Variants in POLH observed in about 807,000 individuals in gnomAD.
The protein encoded by POLH is DNA polymerase eta.
A neutral mutation model predicts 73.6 loss-of-function variants in POLH; 53 were observed. The ratio of observed to expected loss-of-function variants is 0.72; its 90% confidence interval spans 0.58 to 0.91. The LOEUF is 0.91. POLH is among the 40% of genes least tolerant of loss of function. POLH has a pLI of 0.00. For synonymous variants in POLH, 292 were observed against 308.5 expected (o/e 0.95, Z 0.56); for missense variants, 768 against 865.4 (o/e 0.89, Z 1.41).
At position 43,604,022 on chromosome 6, in the gene POLH, C is replaced by A. The variant is rs762143785; in HGVS notation, c.884+11C>A. 2 of 1,610,134 alleles carry A rather than the reference C, an allele frequency of 1.2e-6. No homozygotes were observed. The highest frequency in any genetic ancestry group is 1.7e-6 in the Non-Finnish European group (2 of 1,176,590). The stretch of plus-strand genomic sequence containing the variant: ...TGGGGAGAAGAATGGGTAAGTGATT[C>A]ATTTTTTTTAAAATCATAACCTTTA... On this transcript the variant is annotated intron_variant, in intron 7 of 10. Transcript: ENST00000372236.
intron 9 of POLH, among the ~76,000 whole-genome samples, chr6:43,608,460 C>T (rs966975225): frequency 4.6e-5 from 7 of 152,270 alleles, no homozygotes; most frequent in African/African-American, 9.6e-5. Flanking sequence ...CGCCCTTTTC[C>T]GCTTTTGCCC....
intron 4 of POLH, 45 bp downstream of exon 4, chr6:43,587,534 C>T: frequency 7.4e-7 from 1 of 1,359,320 alleles, no homozygotes; most frequent in South Asian, 1.2e-5. Context: ...GCCTTTGGAA[C>T]CTGCTTTGCT....
chr6:43,591,619 T>TG (rs1765472960), intron 4 of POLH, among the ~76,000 whole-genome samples: 2 of 142,160 alleles, frequency 1.4e-5, no homozygotes, highest in African/African-American at 5.3e-5. Context: ...GCACCCAGCC[T>TG]GATTTTTTTT....
rs1582272094 is a variant in POLH, at chr6:43,583,097, A to G, written c.228A>G (p.Leu76=). Residue 76 remains leucine (L), a synonymous_variant, in exon 3 of 11, where the codon CTA becomes CTG. Transcript: ENST00000372236. The part of the protein sequence containing the change: ...DDAKKLCPDL[L]LAQVRESRGK... ...CTAAGAAGTTATGTCCAGATCTTCT[A>G]CTGGCACAAGTTCGTGAGTCCCGTG... The G allele has an allele frequency of 6.2e-7, 1 of 1,613,908 alleles. No homozygotes were observed. The highest frequency in any genetic ancestry group is 1.1e-5 in the South Asian group (1 of 91,076).
intron 10 of POLH, 94 bp from the exon 11 acceptor site, chr6:43,613,566 G>A: frequency 9.4e-7 from 1 of 1,062,380 alleles, no homozygotes; most frequent in Non-Finnish European, 1.4e-6. Context: ...GTCCTATGGT[G>A]AAATAAAACA....
intron 4 of POLH, among the ~76,000 whole-genome samples, chr6:43,595,606 C>T (rs1765956693): frequency 6.6e-6 from 1 of 151,900 alleles, no homozygotes; most frequent in African/African-American, 2.4e-5. Flanking sequence ...AAAAAATTAG[C>T]CGGGCGTGGT....
intron 1 of POLH, among the ~76,000 whole-genome samples, chr6:43,580,083 T>C (rs1057096235): frequency 4.7e-5 from 7 of 149,588 alleles, no homozygotes; most frequent in Non-Finnish European, 1.0e-4. Context: ...TGTCCCTGAT[T>C]ACTTGAGATC....
chr6:43,605,464 T>TG, intron 9 of POLH, 145 bp downstream of exon 9: 3 of 592,786 alleles, frequency 5.1e-6, no homozygotes. Context: ...TTTTTTTTTT[T>TG]TTTGAGACAT....
At chr6:43,595,337 A>G (rs981237944) in intron 4 of POLH, among the ~76,000 whole-genome samples, 2 of 151,846 alleles carry the variant, frequency 1.3e-5, no homozygotes, top group Admixed American at 6.6e-5. Flanking sequence ...GGGTTTCACC[A>G]TGGTGGTCAG....
intron 4 of POLH, chr6:43,588,167 A>G (rs1765046728): frequency 6.3e-6 from 1 of 159,002 alleles, no homozygotes; most frequent in Non-Finnish European, 1.4e-5. Context: ...CCTCAGGTAT[A>G]GGGAGTTGAG....
At chr6:43,602,887 C>G (rs907856462) in intron 6 of POLH, among the ~76,000 whole-genome samples, 5 of 151,628 alleles carry the variant, frequency 3.3e-5, no homozygotes, top group Non-Finnish European at 5.9e-5. Context: ...AGGCTGGTCT[C>G]AAACTCCTGG....
chr6:43,601,819 G>T (rs1186164875), intron 6 of POLH, among the ~76,000 whole-genome samples: 1 of 152,068 alleles, frequency 6.6e-6, no homozygotes, highest in Non-Finnish European at 1.5e-5. Context: ...AGCACTTTGG[G>T]AGGCGAGGCA....
At chr6:43,581,675 C>G (rs1178592844) in intron 1 of POLH, among the ~76,000 whole-genome samples, 1 of 143,932 alleles carries the variant, frequency 6.9e-6, no homozygotes, top group African/African-American at 2.8e-5. Context: ...TCCCGGCGGT[C>G]GGGCGGCGGC....
chr6:43,587,336 A>G lies in POLH; in HGVS notation c.337A>G (p.Ser113Gly). 2.5e-6 allele frequency: 4 copies of G among 1,614,180 alleles called. No homozygotes were observed. Among genetic ancestry groups the G allele is most frequent in the Non-Finnish European group, 3.4e-6 (4 of 1,179,980 alleles). The part of the protein sequence containing the change: ...MSRFAVIERA[S>G]IDEAYVDLTS... ...TCGTTTTGCTGTGATTGAACGTGCC[A>G]GCATTGATGAGGCTTACGTAGATCT... Residue 113 changes from serine to glycine, a missense_variant, in exon 4 of 11, where the codon AGC (serine) becomes GGC (glycine). Transcript: ENST00000372236.
intron 3 of POLH, among the ~76,000 whole-genome samples, chr6:43,585,637 CTTTT>C (rs1208848737): frequency 1.9e-5 from 2 of 107,396 alleles, no homozygotes; most frequent in Non-Finnish European, 1.7e-5. Flanking sequence ...TCTTTCTTTT[CTTTT>C]TTTTTTTTTT....
intron 1 of POLH, among the ~76,000 whole-genome samples, chr6:43,576,844 T>G (rs1007076986): frequency 2.6e-5 from 4 of 152,216 alleles, no homozygotes; most frequent in Admixed American, 6.5e-5. Context: ...GCAGAAAGTC[T>G]TCTTCATTTT....
intron 1 of POLH, among the ~76,000 whole-genome samples, chr6:43,579,815 A>C (rs1329175074): frequency 1.3e-5 from 2 of 151,728 alleles, no homozygotes; most frequent in Admixed American, 1.3e-4. Context: ...TGCAGAATTG[A>C]TTGCTTGTTT....
In POLH at chr6:43,597,138, T is replaced by C. The variant is rs566375979; in HGVS notation, c.491-558T>C. Among the ~76,000 whole-genome samples, 52 of 152,200 alleles carry C rather than the reference T, an allele frequency of 3.4e-4. 1 individual carries two copies. The highest frequency in any genetic ancestry group is 3.4e-3 in the Middle Eastern group (1 of 292). The stretch of plus-strand genomic sequence containing the variant: ...TTTTTTATTTTTATTATTTTTGAGA[T>C]GAAGTCTTGCTCTGTCGCCCAGGCT... On this transcript the variant is annotated intron_variant, in intron 4 of 10. Transcript: ENST00000372236.
At chr6:43,595,152 GT>G (rs113844082) in intron 4 of POLH, among the ~76,000 whole-genome samples, 23,086 of 146,548 alleles carry the variant, frequency 0.16, 3,395 homozygotes, top group African/African-American at 0.39. Flanking sequence ...CAAAAGACAG[GT>G]TTTTTTTTTT....
Sources: gnomAD v4.1 joint callset for allele counts (sites outside exome capture counted in the v4.1 genomes callset) on GRCh38, gnomAD v4.1.1 for gene constraint, MANE v1.5 for transcripts, NCBI Gene and HGNC (gene_info 2026-07-23, HGNC 2026-07-21) for gene names.